PTPRT: variants seen among roughly 807,000 people sequenced by gnomAD.
PTPRT encodes the protein receptor-type tyrosine-protein phosphatase T.
PTPRT carries 56 observed loss-of-function variants against 176.8 expected under a neutral mutation model. That is an observed-to-expected ratio of 0.32 (90% CI 0.26 to 0.40). PTPRT has a LOEUF of 0.40. Ranked by LOEUF, PTPRT falls within the 10% of genes least tolerant of loss-of-function variation. The pLI is 1.00. For synonymous variants in PTPRT, 783 were observed against 739.0 expected (o/e 1.06, Z -0.96); for missense variants, 1,540 against 1,908.2 (o/e 0.81, Z 3.60).
At chr20:42,784,548 G>A (rs561951106) in intron 3 of PTPRT, among the ~76,000 whole-genome samples, 1 of 152,230 alleles carries the variant, frequency 6.6e-6, no homozygotes, top group South Asian at 2.1e-4. Flanking sequence ...GGAAGCAGAT[G>A]GAATAGAATT....
At chr20:42,214,428 T>G (rs1166388415) in intron 15 of PTPRT, among the ~76,000 whole-genome samples, 1 of 152,194 alleles carries the variant, frequency 6.6e-6, no homozygotes, top group Non-Finnish European at 1.5e-5. Context: ...GCATAGCTGG[T>G]GGGTCCTTTC....
At chr20:42,646,159 C>T (rs2074894283) in intron 7 of PTPRT, among the ~76,000 whole-genome samples, 1 of 144,890 alleles carries the variant, frequency 6.9e-6, no homozygotes, top group Admixed American at 6.8e-5. Context: ...CCAGGCAATG[C>T]CCTCAACTGG....
intron 7 of PTPRT, among the ~76,000 whole-genome samples, chr20:42,609,811 T>C (rs530407100): frequency 7.2e-5 from 11 of 152,344 alleles, no homozygotes; most frequent in Admixed American, 1.3e-4. Context: ...AGGGCGGGTC[T>C]ATGATGGGCA....
chr20:42,672,809 A>G (rs950079412), intron 7 of PTPRT, among the ~76,000 whole-genome samples: 1 of 152,166 alleles, frequency 6.6e-6, no homozygotes, highest in Non-Finnish European at 1.5e-5. Flanking sequence ...AAACTGGCAG[A>G]GCCAGAATGC....
intron 9 of PTPRT, among the ~76,000 whole-genome samples, chr20:42,366,949 C>A (rs538146946): frequency 1.3e-5 from 2 of 152,294 alleles, no homozygotes; most frequent in South Asian, 4.1e-4. Context: ...GAGACGTTGC[C>A]TTTTTTTCCC....
At chr20:42,905,690 G>T (rs1201975232) in intron 1 of PTPRT, among the ~76,000 whole-genome samples, 2 of 152,142 alleles carry the variant, frequency 1.3e-5, no homozygotes, top group East Asian at 3.9e-4. Context: ...ATGATAGACT[G>T]GATTAAGAAA....
intron 1 of PTPRT, among the ~76,000 whole-genome samples, chr20:42,899,317 A>C (rs2145910369): frequency 6.6e-6 from 1 of 152,364 alleles, no homozygotes; most frequent in East Asian, 1.9e-4. Context: ...TTCTCGACAC[A>C]GAAGGACAGG....
At chr20:42,768,629 C>T (rs906063707) in intron 5 of PTPRT, among the ~76,000 whole-genome samples, 2 of 152,160 alleles carry the variant, frequency 1.3e-5, no homozygotes, top group Non-Finnish European at 2.9e-5. Context: ...CAGTTAGTAA[C>T]GTGTGCAGAA....
intron 9 of PTPRT, among the ~76,000 whole-genome samples, chr20:42,395,556 G>C (rs2058841122): frequency 6.6e-6 from 1 of 152,056 alleles, no homozygotes; most frequent in Admixed American, 6.6e-5. Context: ...TTCAGGTACT[G>C]TCTCCTGTCT....
At chr20:42,774,730 G>T (rs2077109566) in intron 4 of PTPRT, among the ~76,000 whole-genome samples, 1 of 152,120 alleles carries the variant, frequency 6.6e-6, no homozygotes, top group African/African-American at 2.4e-5. Flanking sequence ...TCACATGAAG[G>T]CCAACCCCGA....
At chr20:42,657,154 A>G (rs2075140071) in intron 7 of PTPRT, among the ~76,000 whole-genome samples, 1 of 152,130 alleles carries the variant, frequency 6.6e-6, no homozygotes, top group African/African-American at 2.4e-5. Flanking sequence ...TCCTGCCACC[A>G]TGTGAAAAAG....
chr20:42,887,759 C>A (rs1046471245), intron 1 of PTPRT, among the ~76,000 whole-genome samples: 1 of 152,186 alleles, frequency 6.6e-6, no homozygotes, highest in Non-Finnish European at 1.5e-5. Flanking sequence ...TGGATATGGA[C>A]ACCCAGAAGA....
chr20:42,749,585 T>C (rs529680923), intron 6 of PTPRT, among the ~76,000 whole-genome samples: 1 of 152,326 alleles, frequency 6.6e-6, no homozygotes, highest in African/African-American at 2.4e-5. Context: ...TGGGTTTCCA[T>C]GCTCTCACTG....
At chr20:42,732,374 C>T (rs747780166) in intron 6 of PTPRT, among the ~76,000 whole-genome samples, 3 of 152,166 alleles carry the variant, frequency 2.0e-5, no homozygotes, top group Non-Finnish European at 4.4e-5. Context: ...GATACCTATC[C>T]ATAGTGCCTG....
intron 2 of PTPRT, among the ~76,000 whole-genome samples, chr20:42,864,088 C>T (rs1206432952): frequency 1.3e-5 from 2 of 152,226 alleles, no homozygotes; most frequent in African/African-American, 4.8e-5. Context: ...TGATGGCTCT[C>T]CTCTATCCAC....
chr20:42,534,961 A>G (rs2072450338), intron 7 of PTPRT, among the ~76,000 whole-genome samples: 1 of 152,144 alleles, frequency 6.6e-6, no homozygotes, highest in Non-Finnish European at 1.5e-5. Flanking sequence ...ATGAATTCTA[A>G]CCCACTGACT....
chr20:42,461,979 A>T (rs116506133), intron 8 of PTPRT, among the ~76,000 whole-genome samples: 1,900 of 151,412 alleles, frequency 0.013, 44 homozygotes, highest in African/African-American at 0.044. Flanking sequence ...AAAGGGGACA[A>T]TTGCTGGAGC....
intron 1 of PTPRT, among the ~76,000 whole-genome samples, chr20:43,080,657 C>G (rs1270046539): frequency 6.6e-6 from 1 of 152,244 alleles, no homozygotes; most frequent in Non-Finnish European, 1.5e-5. Flanking sequence ...TGTAGCTACA[C>G]TCTCCAGCTC....
At chr20:42,694,502 C>T (rs573458221) in intron 6 of PTPRT, among the ~76,000 whole-genome samples, 1 of 152,286 alleles carries the variant, frequency 6.6e-6, no homozygotes, top group African/African-American at 2.4e-5. Context: ...AATAAAACTG[C>T]CATGAACAGT....
Sources: allele counts gnomAD v4.1 joint callset (sites outside exome capture counted in the v4.1 genomes callset), GRCh38; gene constraint gnomAD v4.1.1; transcripts MANE v1.5; gene names NCBI Gene and HGNC (gene_info 2026-07-23, HGNC 2026-07-21).